Variants in MYO18A observed in about 807,000 individuals in gnomAD.
MYO18A encodes myosin XVIIIA.
Under a neutral mutation model 235.8 loss-of-function variants are expected in MYO18A, and 78 were observed. That is an observed-to-expected ratio of 0.33 (90% CI 0.28 to 0.40). The LOEUF is 0.40. MYO18A is among the 10% of genes least tolerant of loss of function. The pLI is 1.00. For missense variants in MYO18A, 2,215 were observed against 2,699.3 expected (o/e 0.82, Z 3.98); for synonymous variants, 977 against 1,077.8 (o/e 0.91, Z 1.83).
chr17:29,102,180 G>A (rs2066669883), intron 21 of MYO18A, among the ~76,000 whole-genome samples: 1 of 152,242 alleles, frequency 6.6e-6, no homozygotes, highest in Non-Finnish European at 1.5e-5. Flanking sequence ...ACCTGGCATG[G>A]CTCAGGATGA....
intron 11 of MYO18A, 43 bp downstream of exon 11, chr17:29,116,400 TA>T (rs1173801026): frequency 6.2e-6 from 10 of 1,613,358 alleles, no homozygotes; most frequent in Non-Finnish European, 8.5e-6. Context: ...AACATGTGTC[TA>T]ATCACGGCAA....
In MYO18A at chr17:29,120,838, GA is replaced by G. The variant is rs2067180492; in HGVS notation, c.1586-81del. The G allele has an allele frequency of 6.4e-7, 1 of 1,572,582 alleles. No homozygotes were observed. Among genetic ancestry groups the G allele is most frequent in the African/African-American group, 1.4e-5 (1 of 74,062 alleles). The stretch of plus-strand genomic sequence containing the variant: ...CAGCTAGGAGCTACCCCAGAGGTAT[GA>G]AGGCTTGGGGCCATTCAGACCAGAA... On this transcript the variant is annotated intron_variant, in intron 6 of 41. Transcript: ENST00000527372. The surrounding 1 kb of genome is among the most constrained non-coding windows in gnomAD (Gnocchi z 4.2).
intron 2 of MYO18A, chr17:29,128,424 C>A (rs1245916673): frequency 7.8e-7 from 1 of 1,289,386 alleles, no homozygotes; most frequent in Non-Finnish European, 1.0e-6. Context: ...GCTCCCGGGC[C>A]GTTCATGGCG....
At chr17:29,177,708 GGCCCTCCTACT>G (rs2068564530) in intron 1 of MYO18A, among the ~76,000 whole-genome samples, 1 of 152,122 alleles carries the variant, frequency 6.6e-6, no homozygotes, top group Admixed American at 6.5e-5. Context: ...CAGTGGGCTG[GGCCCTCCTACT>G]GCCCCAAACC....
At chr17:29,079,885 G>A (rs2066074309) in intron 41 of MYO18A, 1 of 985,824 alleles carries the variant, frequency 1.0e-6, no homozygotes, top group Non-Finnish European at 1.2e-6. Flanking sequence ...GCTGTGGCTG[G>A]AGACGGTCGA....
chr17:29,111,326 C>G lies in MYO18A; in HGVS notation c.2900+98G>C. 1.4e-6 allele frequency: 2 copies of G among 1,393,684 alleles called. No individual in the cohort carries two copies. Among genetic ancestry groups the G allele is most frequent in the Non-Finnish European group, 9.8e-7 (1 of 1,019,478 alleles). The allele number at this position is 1,393,684 out of a possible 1,614,324, so 86.3% of individuals were successfully genotyped here. A position where few individuals can be genotyped will look rare whatever the true frequency, so the allele number is the denominator to read the frequency against. Reference sequence around the variant, plus strand: ...TCAGGAATAAAGGCCATCTACTTTGCTAGTGAGGGGGCCTCTGAGACAACC... The same window carrying G: ...TCAGGAATAAAGGCCATCTACTTTGGTAGTGAGGGGGCCTCTGAGACAACC... On this transcript the variant is annotated intron_variant, in intron 17 of 41. Transcript: ENST00000527372. The surrounding 1 kb of genome is among the most constrained non-coding windows in gnomAD (Gnocchi z 5.1).
chr17:29,083,590 G>A (rs1023548938), intron 40 of MYO18A, among the ~76,000 whole-genome samples: 2 of 149,880 alleles, frequency 1.3e-5, no homozygotes, highest in Non-Finnish European at 3.0e-5. Flanking sequence ...GGGACCATGC[G>A]AGAGCCCAAC....
intron 37 of MYO18A, among the ~76,000 whole-genome samples, chr17:29,089,344 C>T (rs2066336877): frequency 7.3e-6 from 1 of 137,374 alleles, no homozygotes; most frequent in Admixed American, 7.8e-5. Context: ...TCGCTTGAAC[C>T]CGGGAGGTGG....
At chr17:29,156,916 T>G (rs532637757) in intron 2 of MYO18A, among the ~76,000 whole-genome samples, 1 of 152,190 alleles carries the variant, frequency 6.6e-6, no homozygotes, top group Non-Finnish European at 1.5e-5. Flanking sequence ...AAGCCTGCAT[T>G]GCCCCCACCA....
At chr17:29,096,516 G>A (rs990154776) in intron 28 of MYO18A, among the ~76,000 whole-genome samples, 1 of 152,196 alleles carries the variant, frequency 6.6e-6, no homozygotes, top group Admixed American at 6.5e-5. Flanking sequence ...CGGGATGACA[G>A]GCACATGATG....
intron 19 of MYO18A, chr17:29,107,428 A>C (rs7219105): frequency 1.4e-5 from 7 of 503,732 alleles, no homozygotes; most frequent in Non-Finnish European, 2.2e-5. Context: ...CCAAAAAAGG[A>C]ACAGCCTCCT....
At chr17:29,138,826 C>T (rs552949872) in intron 2 of MYO18A, among the ~76,000 whole-genome samples, 3 of 152,322 alleles carry the variant, frequency 2.0e-5, no homozygotes, top group South Asian at 4.1e-4. Context: ...GGAGGCACGC[C>T]CTGCCCTCCA....
intron 1 of MYO18A, among the ~76,000 whole-genome samples, chr17:29,171,866 C>T (rs1174821897): frequency 2.0e-5 from 3 of 150,158 alleles, no homozygotes; most frequent in Admixed American, 6.6e-5. Flanking sequence ...GCATTCCAGC[C>T]TGGGTAACAG....
intron 15 of MYO18A, among the ~76,000 whole-genome samples, chr17:29,113,211 T>C (rs1229341721): frequency 6.6e-6 from 1 of 152,222 alleles, no homozygotes; most frequent in Non-Finnish European, 1.5e-5. Flanking sequence ...ATACTCACTC[T>C]TTCGCAGCCC....
At position 29,140,777 on chromosome 17, in the gene MYO18A, C is replaced by A. The variant is rs149646067; in HGVS notation, c.1000-18524G>T. Among the ~76,000 whole-genome samples, 1 of 151,998 alleles carries A rather than the reference C, an allele frequency of 6.6e-6. No individual in the cohort carries two copies. The stretch of plus-strand genomic sequence containing the variant: ...AGGCCAAGCTTGAGACAAGCACATG[C>A]GCACTCATGTGCATGTACACGTATA... On this transcript the variant is annotated intron_variant, in intron 2 of 41. Coordinates refer to ENST00000527372, the MANE Select transcript of MYO18A (RefSeq NM_078471.4). This position sits in a 1 kb window ranked among gnomAD's most constrained non-coding sequence, Gnocchi z 4.2.
chr17:29,129,501 A>C (rs919488680), intron 2 of MYO18A, among the ~76,000 whole-genome samples: 1 of 152,204 alleles, frequency 6.6e-6, no homozygotes, highest in African/African-American at 2.4e-5. Context: ...TAACGGCAGG[A>C]TAGAGTTTCC....
At position 29,158,147 on chromosome 17, in the gene MYO18A, C is replaced by T. The variant is rs1437525701; in HGVS notation, c.999+7795G>A. Among the ~76,000 whole-genome samples the T allele has an allele frequency of 6.6e-6, 1 of 152,164 alleles. No individual in the cohort carries two copies. The highest frequency in any genetic ancestry group is 1.9e-4 in the East Asian group (1 of 5,188). On this transcript the variant is annotated intron_variant, in intron 2 of 41. Coordinates refer to ENST00000527372, the MANE Select transcript of MYO18A (RefSeq NM_078471.4). This position sits in a 1 kb window ranked among gnomAD's most constrained non-coding sequence, Gnocchi z 4.3. ...ACACCACCTAGGGCACGTGTCTACA[C>T]TATGCACCATACTGAGCGCCACAGA...
At chr17:29,099,415 C>T (rs1598299762) in intron 22 of MYO18A, among the ~76,000 whole-genome samples, 1 of 152,144 alleles carries the variant, frequency 6.6e-6, no homozygotes, top group Admixed American at 6.5e-5. Context: ...TGCCTGGGCC[C>T]TGATTCCCCT....
chr17:29,108,056 C>T (rs2066836314), intron 19 of MYO18A, among the ~76,000 whole-genome samples: 1 of 151,984 alleles, frequency 6.6e-6, no homozygotes, highest in Non-Finnish European at 1.5e-5. Context: ...AGTTTCTTCA[C>T]CTTTAAACAG....
Sources: allele counts gnomAD v4.1 joint callset (sites outside exome capture counted in the v4.1 genomes callset), GRCh38; gene constraint gnomAD v4.1.1; non-coding constraint Gnocchi (gnomAD v3.1); transcripts MANE v1.5; gene names NCBI Gene and HGNC (gene_info 2026-07-23, HGNC 2026-07-21).